The following KLF8 variants were observed in gnomAD, a reference collection of about 807,000 sequenced individuals.
KLF8 encodes Krueppel-like factor 8.
In KLF8, 10 loss-of-function variants were observed where a neutral mutation model predicts 18.2. That is an observed-to-expected ratio of 0.55 (90% CI 0.34 to 0.93). KLF8 has a LOEUF of 0.93. Among genes scored for constraint, KLF8 ranks in the 40% least tolerant of loss-of-function variants. The pLI, the probability that KLF8 is intolerant of heterozygous loss-of-function variation, is 0.02. For missense variants in KLF8, 264 were observed against 277.9 expected (o/e 0.95, Z 0.36); for synonymous variants, 109 against 97.3 (o/e 1.12, Z -0.71).
the KLF8 span, among the ~76,000 whole-genome samples, chrX:56,086,439 T>A: frequency 1.8e-5 from 2 of 110,460 alleles, no homozygotes; most frequent in African/African-American, 3.3e-5. Flanking sequence ...AATATGGGGC[T>A]GAGAGCAGTC....
chrX:56,040,264 G>C, the KLF8 span, among the ~76,000 whole-genome samples: 97 of 111,510 alleles, frequency 8.7e-4, no homozygotes, highest in African/African-American at 2.8e-3. Flanking sequence ...ATACTATGTT[G>C]AATAGGAGTG....
the KLF8 span, among the ~76,000 whole-genome samples, chrX:56,029,968 T>G: frequency 8.9e-6 from 1 of 112,352 alleles, no homozygotes; most frequent in South Asian, 3.7e-4. Context: ...TATTCATTCC[T>G]GCAAAACCAG....
the KLF8 span, among the ~76,000 whole-genome samples, chrX:56,174,003 G>A: frequency 1.2e-4 from 13 of 111,767 alleles, no homozygotes; most frequent in South Asian, 3.7e-4. Flanking sequence ...GGGCTGAGAC[G>A]ATGGGGTTTT....
At chrX:55,983,787 C>G in the KLF8 span, among the ~76,000 whole-genome samples, 1 of 110,442 alleles carries the variant, frequency 9.1e-6, no homozygotes, top group Non-Finnish European at 1.9e-5. Context: ...CAGTATCCCC[C>G]GTTCTGTGGC....
the KLF8 span, among the ~76,000 whole-genome samples, chrX:56,082,721 A>G: frequency 5.1e-4 from 57 of 111,577 alleles, no homozygotes; most frequent in African/African-American, 1.6e-3. Flanking sequence ...TGAGTGTGTT[A>G]TAGAATTTCC....
intron 5 of KLF8, among the ~76,000 whole-genome samples, chrX:56,275,394 C>T (rs751584405): frequency 9.0e-6 from 1 of 111,330 alleles, no homozygotes; most frequent in South Asian, 3.7e-4. Flanking sequence ...TCTAATAGCT[C>T]TTTTTCTGGA....
chrX:56,172,951 T>A, the KLF8 span, among the ~76,000 whole-genome samples: 1 of 111,708 alleles, frequency 9.0e-6, no homozygotes, highest in African/African-American at 3.3e-5. Flanking sequence ...TTTGATGGGG[T>A]GGTTTTCTTA....
chrX:56,281,193 T>G, intron 5 of KLF8, among the ~76,000 whole-genome samples: 1 of 111,630 alleles, frequency 9.0e-6, no homozygotes, highest in South Asian at 3.8e-4. Context: ...AAGTTTTTCA[T>G]CTGTCTTTTA....
At chrX:56,121,135 G>C in the KLF8 span, among the ~76,000 whole-genome samples, 2 of 100,060 alleles carry the variant, frequency 2.0e-5, no homozygotes, top group Non-Finnish European at 4.0e-5. Context: ...GCAGTGAGCC[G>C]AGATCCCGCC....
chrX:56,189,865 T>A, the KLF8 span, among the ~76,000 whole-genome samples: 2 of 61,784 alleles, frequency 3.2e-5, no homozygotes, highest in African/African-American at 1.4e-4. Context: ...CTCTGGGGAC[T>A]GTTGTGGGGT....
chrX:56,226,177 A>G, the KLF8 span, among the ~76,000 whole-genome samples: 1 of 112,018 alleles, frequency 8.9e-6, no homozygotes, highest in Non-Finnish European at 1.9e-5. Flanking sequence ...AGGTTGCTTC[A>G]TATTTATTGA....
the KLF8 span, among the ~76,000 whole-genome samples, chrX:56,024,832 C>T: frequency 4.5e-5 from 5 of 112,065 alleles, no homozygotes; most frequent in South Asian, 3.8e-4. Context: ...TGCCTGGCAC[C>T]GGGCTGCCTG....
the KLF8 span, among the ~76,000 whole-genome samples, chrX:56,069,632 G>T: frequency 2.0e-4 from 22 of 111,359 alleles, no homozygotes; most frequent in Non-Finnish European, 2.8e-4. Flanking sequence ...AAGGGGTGCA[G>T]CCCCCTATTG....
chrX:56,255,899 G>C (rs992055330), intron 2 of KLF8, among the ~76,000 whole-genome samples: 16 of 111,649 alleles, frequency 1.4e-4, no homozygotes, highest in Middle Eastern at 4.6e-3. Context: ...TACTGGCCTT[G>C]TAGAATGAGT....
chrX:56,164,164 A>G, the KLF8 span, among the ~76,000 whole-genome samples: 1 of 105,750 alleles, frequency 9.5e-6, no homozygotes, highest in African/African-American at 3.4e-5. Flanking sequence ...TTTTAGTGTC[A>G]TTAATTCAAA....
the KLF8 span, among the ~76,000 whole-genome samples, chrX:56,152,021 A>G: frequency 8.9e-6 from 1 of 112,047 alleles, no homozygotes; most frequent in Non-Finnish European, 1.9e-5. Context: ...GTTTTATTAT[A>G]TAATTAGAGA....
At chrX:56,102,541 C>A in the KLF8 span, among the ~76,000 whole-genome samples, 2 of 110,864 alleles carry the variant, frequency 1.8e-5, no homozygotes, top group African/African-American at 6.5e-5. Flanking sequence ...CTATAAATTT[C>A]TTTGGGCAGT....
chrX:56,058,300 A>ATATATATATATG, the KLF8 span, among the ~76,000 whole-genome samples: 7 of 74,138 alleles, frequency 9.4e-5, no homozygotes, highest in African/African-American at 3.5e-4. Context: ...ATATATATAT[A>ATATATATATATG]TATATATATA....
the KLF8 span, among the ~76,000 whole-genome samples, chrX:55,967,501 T>G: frequency 2.8e-5 from 3 of 108,719 alleles, no homozygotes; most frequent in Non-Finnish European, 3.8e-5. Flanking sequence ...TTTAGAATAC[T>G]GTAGCCAGTG....
Sources: allele counts gnomAD v4.1 joint callset (sites outside exome capture counted in the v4.1 genomes callset), GRCh38; gene constraint gnomAD v4.1.1; transcripts MANE v1.5; gene names NCBI Gene and HGNC (gene_info 2026-07-23, HGNC 2026-07-21).